Variants in PALLD observed in about 807,000 individuals in gnomAD.
The protein encoded by PALLD is palladin, cytoskeletal associated protein.
Under a neutral mutation model 123.5 loss-of-function variants are expected in PALLD, and 61 were observed. The ratio of observed to expected loss-of-function variants is 0.49; its 90% CI spans 0.40 to 0.61. PALLD has a LOEUF of 0.61. PALLD is among the 20% of genes least tolerant of loss of function. The pLI, the probability that PALLD is intolerant of heterozygous loss-of-function variation, is 0.00. For missense variants in PALLD, 1,273 were observed against 1,377.0 expected (o/e 0.92, Z 1.20); for synonymous variants, 465 against 496.4 (o/e 0.94, Z 0.84).
intron 3 of PALLD, among the ~76,000 whole-genome samples, chr4:168,672,463 CTT>C (rs776912944): frequency 6.8e-6 from 1 of 145,994 alleles, no homozygotes. Context: ...CTGAGATTAA[CTT>C]TTTTTTTTTT....
intron 17 of PALLD, among the ~76,000 whole-genome samples, chr4:168,917,900 CG>C (rs1760531892): frequency 6.6e-6 from 1 of 151,760 alleles, no homozygotes; most frequent in African/African-American, 2.4e-5. Context: ...CTTATATATC[CG>C]AGGAAAATGA....
intron 10 of PALLD, among the ~76,000 whole-genome samples, chr4:168,722,264 T>C (rs1224483922): frequency 3.9e-5 from 6 of 152,144 alleles, no homozygotes; most frequent in African/African-American, 1.4e-4. Context: ...CAGCCAGGTC[T>C]CAAGCAATCT....
At chr4:168,820,056 A>G (rs1349247648) in intron 10 of PALLD, among the ~76,000 whole-genome samples, 1 of 152,272 alleles carries the variant, frequency 6.6e-6, no homozygotes, top group Non-Finnish European at 1.5e-5. Context: ...TACTTCCATC[A>G]GTCTTACTTC....
At chr4:168,919,261 C>T (rs1487129779) in intron 17 of PALLD, among the ~76,000 whole-genome samples, 4 of 152,100 alleles carry the variant, frequency 2.6e-5, no homozygotes, top group Non-Finnish European at 4.4e-5. Context: ...ACGTGGGTCA[C>T]GCCTGTAATC....
At chr4:168,737,271 C>CTA (rs1787852517) in intron 10 of PALLD, among the ~76,000 whole-genome samples, 1 of 152,172 alleles carries the variant, frequency 6.6e-6, no homozygotes, top group Non-Finnish European at 1.5e-5. Context: ...AAGATTCTTG[C>CTA]TATAGCACAT....
rs1396399922 is a variant in PALLD at position 168,664,228 on chromosome 4, A to G, written c.909-3962A>G. The stretch of plus-strand genomic sequence containing the variant: ...CTTTTCTGTACTGTTTCTTCCATGG[A>G]ATTTGTACTTTAAAAAAATAAATTA... On this transcript the variant is annotated intron_variant, in intron 2 of 21. Coordinates refer to ENST00000505667, the MANE Select transcript of PALLD (RefSeq NM_001166108.2). Among the ~76,000 whole-genome samples the G allele has an allele frequency of 3.9e-5, 6 of 152,234 alleles. No homozygotes were observed. In the East Asian group the frequency reaches 1.2e-3, roughly 29 times the overall value.
chr4:168,816,414 T>TATATATATA (rs1554088402), intron 10 of PALLD, among the ~76,000 whole-genome samples: 1 of 123,790 alleles, frequency 8.1e-6, no homozygotes, highest in African/African-American at 3.5e-5. Context: ...TATATATATA[T>TATATATATA]TTTTTTTAAG....
At chr4:168,537,883 C>A (rs973902810) in intron 2 of PALLD, 6 of 152,172 alleles carry the variant, frequency 3.9e-5, no homozygotes, top group Admixed American at 6.5e-5. Flanking sequence ...AGTTTATTTT[C>A]TTTAAAACCA....
In PALLD at chr4:168,882,414, C is replaced by A. The variant is rs79351691; in HGVS notation, c.1965-8508C>A. The stretch of plus-strand genomic sequence containing the variant: ...GTTGTAGAAGCAGCAAATCAGAATC[C>A]CCGAGTCAAGGAAAACTTTGTAACA... On this transcript the variant is annotated intron_variant, in intron 10 of 21. Transcript: ENST00000505667. Among the ~76,000 whole-genome samples, 8 of 152,208 alleles carry A rather than the reference C, an allele frequency of 5.3e-5. No individual in the cohort carries two copies. The East Asian group carries it at 1.5e-3, about 29-fold the overall frequency.
chr4:168,673,311 A>T (rs1191260983), intron 3 of PALLD, among the ~76,000 whole-genome samples: 2 of 152,360 alleles, frequency 1.3e-5, no homozygotes, highest in East Asian at 3.9e-4. Flanking sequence ...AGCCTGCTCC[A>T]AAGAGATGAC....
chr4:168,867,582 T>C (rs1165094124), intron 10 of PALLD, among the ~76,000 whole-genome samples: 1 of 152,206 alleles, frequency 6.6e-6, no homozygotes, highest in Admixed American at 6.5e-5. Context: ...CTCATTCTAG[T>C]CTTACTTTCC....
chr4:168,817,293 C>G (rs1293320334), intron 10 of PALLD, among the ~76,000 whole-genome samples: 1 of 152,202 alleles, frequency 6.6e-6, no homozygotes, highest in African/African-American at 2.4e-5. Context: ...ATCACATTCC[C>G]TTTATGTGTA....
At position 168,821,751 on chromosome 4, in the gene PALLD, G is replaced by A. The variant is rs1285290198; in HGVS notation, c.1965-69171G>A. Among the ~76,000 whole-genome samples, 9 of 151,920 alleles carry A rather than the reference G, an allele frequency of 5.9e-5. No individual in the cohort carries two copies. The East Asian group carries it at 1.7e-3, about 29-fold the overall frequency. On this transcript the variant is annotated intron_variant, in intron 10 of 21. Coordinates refer to ENST00000505667, the MANE Select transcript of PALLD (RefSeq NM_001166108.2). ...AAAAACTAGCCGGGCATGGTGGCGCGTGCCTGTATTCCCAGCTACTCAGAA... is the reference window on the plus strand; with the variant it reads ...AAAAACTAGCCGGGCATGGTGGCGCATGCCTGTATTCCCAGCTACTCAGAA...
chr4:168,832,268 C>T (rs557189869), intron 10 of PALLD: 3 of 801,434 alleles, frequency 3.7e-6, no homozygotes, highest in African/African-American at 3.7e-5. Flanking sequence ...GAGTGCAGGG[C>T]TCGGGACAGG....
intron 10 of PALLD, among the ~76,000 whole-genome samples, chr4:168,801,896 A>G (rs922491863): frequency 1.3e-5 from 2 of 152,234 alleles, no homozygotes; most frequent in African/African-American, 4.8e-5. Flanking sequence ...TGAGAGTGGC[A>G]TAGGTAACAA....
chr4:168,816,232 A>G (rs1741892167), intron 10 of PALLD, among the ~76,000 whole-genome samples: 1 of 152,048 alleles, frequency 6.6e-6, no homozygotes, highest in African/African-American at 2.4e-5. Context: ...CAGAGAAACC[A>G]GAAAATAGCC....
chr4:168,518,549 G>A (rs542033822), intron 2 of PALLD, among the ~76,000 whole-genome samples: 2 of 152,046 alleles, frequency 1.3e-5, no homozygotes, highest in African/African-American at 4.8e-5. Context: ...TTCTTGTCTG[G>A]GGCCTGTGTA....
rs1295956074 is a variant in PALLD, at chr4:168,661,444, ATGAG to A, written c.909-6744_909-6741del. Reference sequence around the variant, plus strand: ...AATTGATTGATGAATGAATGAATGAATGAGTATGACTAGATCTTCTAATCCTTTT... The same window carrying A: ...AATTGATTGATGAATGAATGAATGAATATGACTAGATCTTCTAATCCTTTT... On this transcript the variant is annotated intron_variant, in intron 2 of 21. Coordinates refer to ENST00000505667, the MANE Select transcript of PALLD (RefSeq NM_001166108.2). Among the ~76,000 whole-genome samples, 20 of 152,368 alleles carry A rather than the reference ATGAG, an allele frequency of 1.3e-4. No homozygotes were observed. In the South Asian group the frequency reaches 1.4e-3, roughly 11 times the overall value.
At chr4:168,592,708 T>C (rs908371662) in intron 2 of PALLD, among the ~76,000 whole-genome samples, 1 of 150,394 alleles carries the variant, frequency 6.6e-6, no homozygotes, top group Non-Finnish European at 1.5e-5. Flanking sequence ...ATCTCTCCTA[T>C]AGATGTAGTC....
Sources: allele counts gnomAD v4.1 joint callset (sites outside exome capture counted in the v4.1 genomes callset), GRCh38; gene constraint gnomAD v4.1.1; transcripts MANE v1.5; gene names NCBI Gene and HGNC (gene_info 2026-07-23, HGNC 2026-07-21).